Variants in DIP2C observed in about 807,000 individuals in gnomAD.
DIP2C encodes the protein disco-interacting protein 2 homolog C.
In DIP2C, 33 loss-of-function variants were observed where a neutral mutation model predicts 192.4. That is an observed-to-expected ratio of 0.17 (90% CI 0.13 to 0.23). The LOEUF is 0.23. Among genes scored for constraint, DIP2C ranks in the 10% least tolerant of loss-of-function variants. The pLI is 1.00. For missense variants in DIP2C, 1,537 were observed against 2,110.1 expected (o/e 0.73, Z 5.32); for synonymous variants, 979 against 864.1 (o/e 1.13, Z -2.33).
chr10:315,675 C>T (rs1370611004), intron 31 of DIP2C, among the ~76,000 whole-genome samples: 1 of 152,238 alleles, frequency 6.6e-6, no homozygotes, highest in Non-Finnish European at 1.5e-5. Flanking sequence ...TTCTCATTTA[C>T]TCTGCCTGGA....
In DIP2C at chr10:627,791, G is replaced by A. The variant is rs529130562; in HGVS notation, c.85+61703C>T. On this transcript the variant is annotated intron_variant, in intron 1 of 36. Transcript: ENST00000280886. ...CAAACAGACCGCACGGCTCAGCCAC[G>A]TGGACGCTTACAGGACTTCACGAGA... Among the ~76,000 whole-genome samples the A allele has an allele frequency of 5.3e-5, 8 of 152,360 alleles. No homozygotes were observed. The South Asian group carries it at 1.4e-3, about 28-fold the overall frequency.
intron 1 of DIP2C, among the ~76,000 whole-genome samples, chr10:551,425 G>A (rs1466168819): frequency 1.3e-5 from 2 of 152,210 alleles, no homozygotes; most frequent in Non-Finnish European, 2.9e-5. Flanking sequence ...CCAGGCTGCA[G>A]GTCTGCACTC....
chr10:644,294 C>A (rs1229997083), intron 1 of DIP2C, among the ~76,000 whole-genome samples: 1 of 152,258 alleles, frequency 6.6e-6, no homozygotes, highest in Non-Finnish European at 1.5e-5. Flanking sequence ...CCGCCAGCCT[C>A]TGGCAGAAAC....
At chr10:533,143 A>T (rs1309664064) in intron 1 of DIP2C, among the ~76,000 whole-genome samples, 1 of 152,194 alleles carries the variant, frequency 6.6e-6, no homozygotes, top group Non-Finnish European at 1.5e-5. Context: ...CAAGGTCAGT[A>T]TCTAAGAAAG....
At chr10:451,907 C>T (rs984459036) in intron 3 of DIP2C, among the ~76,000 whole-genome samples, 1 of 151,024 alleles carries the variant, frequency 6.6e-6, no homozygotes, top group African/African-American at 2.5e-5. Context: ...GCACCATACA[C>T]AAGTCTGCTA....
chr10:461,606 C>T (rs983669128), intron 3 of DIP2C, among the ~76,000 whole-genome samples: 2 of 152,108 alleles, frequency 1.3e-5, no homozygotes, highest in South Asian at 2.1e-4. Context: ...AACACCCCAA[C>T]GTCAGTATTA....
At chr10:634,404 G>A (rs1039926045) in intron 1 of DIP2C, among the ~76,000 whole-genome samples, 6 of 152,232 alleles carry the variant, frequency 3.9e-5, no homozygotes, top group Non-Finnish European at 8.8e-5. Context: ...GCTCAGAGTT[G>A]GAAGTAGCGC....
At position 390,751 on chromosome 10, in the gene DIP2C, G is replaced by A. The variant is rs1308410543; in HGVS notation, c.1373C>T (p.Pro458Leu). 1 of 1,613,978 alleles carries A rather than the reference G, an allele frequency of 6.2e-7. No individual in the cohort carries two copies. Among genetic ancestry groups the A allele is most frequent in the East Asian group, 2.2e-5 (1 of 44,876 alleles). Residue 458 changes from proline to leucine, a missense_variant, in exon 11 of 37, where the codon CCA becomes CTA. By Grantham distance (98) the Pro-to-Leu change is moderately conservative (BLOSUM62 -3). Coordinates refer to ENST00000280886, the MANE Select transcript of DIP2C (RefSeq NM_014974.3). ...GCTCGGTGGCTTACCTTTAAACTGTGGGATCTCTCCCGTTGGGCTTTTTGG... is the reference window on the plus strand; with the variant it reads ...GCTCGGTGGCTTACCTTTAAACTGTAGGATCTCTCCCGTTGGGCTTTTTGG... ...GLPKSPTGEI[P>L]QFKGWPKLLW... is the part of the protein sequence containing the mutation.
chr10:553,578 C>T (rs1276975241), intron 1 of DIP2C, among the ~76,000 whole-genome samples: 1 of 152,232 alleles, frequency 6.6e-6, no homozygotes, highest in Non-Finnish European at 1.5e-5. Flanking sequence ...ATCATTCAAA[C>T]AAGTATCTCT....
intron 1 of DIP2C, among the ~76,000 whole-genome samples, chr10:574,626 T>C (rs1850039968): frequency 6.6e-6 from 1 of 152,230 alleles, no homozygotes; most frequent in Non-Finnish European, 1.5e-5. Flanking sequence ...CAAGAGACCC[T>C]GATTCTTTGA....
At chr10:562,034 C>T (rs537688753) in intron 1 of DIP2C, among the ~76,000 whole-genome samples, 5 of 152,322 alleles carry the variant, frequency 3.3e-5, no homozygotes, top group South Asian at 2.1e-4. Flanking sequence ...AGCAAGCGGA[C>T]GTTCCGAAGG....
At chr10:319,044 C>T (rs1956893585) in intron 31 of DIP2C, among the ~76,000 whole-genome samples, 1 of 152,004 alleles carries the variant, frequency 6.6e-6, no homozygotes, top group Non-Finnish European at 1.5e-5. Context: ...TCCCGAGTAG[C>T]TGGGATTACA....
intron 1 of DIP2C, among the ~76,000 whole-genome samples, chr10:538,996 G>C (rs2130892442): frequency 6.7e-6 from 1 of 149,576 alleles, no homozygotes; most frequent in African/African-American, 2.6e-5. Context: ...GACCTCAGTT[G>C]CGAGTTGTCT....
chr10:313,558 C>T (rs1223066524), intron 31 of DIP2C, among the ~76,000 whole-genome samples: 1 of 152,158 alleles, frequency 6.6e-6, no homozygotes, highest in Non-Finnish European at 1.5e-5. Flanking sequence ...GCATTTACAT[C>T]GTATTCGGCA....
chr10:549,974 G>A (rs953821240), intron 1 of DIP2C, among the ~76,000 whole-genome samples: 11 of 151,674 alleles, frequency 7.3e-5, no homozygotes, highest in African/African-American at 1.7e-4. Context: ...GGAACCATGC[G>A]GTGTCCTACA....
chr10:531,713 C>CAA (rs1010528021), intron 1 of DIP2C, among the ~76,000 whole-genome samples: 11 of 152,000 alleles, frequency 7.2e-5, no homozygotes, highest in Non-Finnish European at 1.2e-4. Context: ...AATCAGGATG[C>CAA]AAGCAGATAT....
intron 7 of DIP2C, among the ~76,000 whole-genome samples, chr10:414,726 TGTGTGTGTGTGTGTA>T (rs1965438456): frequency 3.8e-5 from 3 of 79,528 alleles, no homozygotes; most frequent in African/African-American, 5.1e-5. Flanking sequence ...TGTGTGTGTG[TGTGTGTGTGTGTGTA>T]CATATATATA....
At chr10:293,505 G>A (rs1955593182) in intron 32 of DIP2C, among the ~76,000 whole-genome samples, 2 of 152,142 alleles carry the variant, frequency 1.3e-5, no homozygotes, top group Non-Finnish European at 2.9e-5. Context: ...AAGACCATCT[G>A]AACAATAAGC....
At chr10:674,789 T>TATATATATATATATATATATATAGAGAG in intron 1 of DIP2C, among the ~76,000 whole-genome samples, 8 of 62,480 alleles carry the variant, frequency 1.3e-4, no homozygotes, top group African/African-American at 1.8e-4. Flanking sequence ...TATATATATA[T>TATATATATATATATATATATATAGAGAG]AGAGAGAGAG....
Sources: gnomAD v4.1 joint callset for allele counts (sites outside exome capture counted in the v4.1 genomes callset) on GRCh38, gnomAD v4.1.1 for gene constraint, MANE v1.5 for transcripts, NCBI Gene and HGNC (gene_info 2026-07-23, HGNC 2026-07-21) for gene names.